INSL6: variants seen among roughly 807,000 people sequenced by gnomAD.
INSL6 encodes insulin like 6.
Under a neutral mutation model 9.4 loss-of-function variants are expected in INSL6, and 16 were observed. The observed-to-expected ratio is 1.70, with a 90% CI of 1.15 to 2.59. The LOEUF (loss-of-function observed/expected upper bound fraction) is 2.59. Among genes scored for constraint, INSL6 ranks in the 30% most tolerant of loss-of-function variants. The pLI, the probability that INSL6 is intolerant of heterozygous loss-of-function variation, is 0.00. For missense variants in INSL6, 391 were observed against 257.3 expected (o/e 1.52, Z -3.56); for synonymous variants, 154 against 96.9 (o/e 1.59, Z -3.46).
At chr9:5,163,098 C>A (rs1299532976), downstream of INSL6, among the ~76,000 whole-genome samples, 1 of 152,180 alleles carries the variant, frequency 6.6e-6, no homozygotes, top group East Asian at 1.9e-4. Context: ...TGATCTTTAA[C>A]CTACTTCAGA....
At chr9:5,007,587 G>A in the INSL6 span, among the ~76,000 whole-genome samples, 1 of 150,550 alleles carries the variant, frequency 6.6e-6, no homozygotes, top group Non-Finnish European at 1.5e-5. Flanking sequence ...TGCAAAATAT[G>A]TCCTATTTTG....
the INSL6 span, among the ~76,000 whole-genome samples, chr9:5,052,505 T>C: frequency 1.3e-5 from 2 of 152,136 alleles, no homozygotes; most frequent in African/African-American, 2.4e-5. Flanking sequence ...AATTTACAAA[T>C]CATAAATCTC....
intron 2 of INSL6, among the ~76,000 whole-genome samples, chr9:5,134,847 T>G (rs950579442): frequency 1.3e-5 from 2 of 152,088 alleles, no homozygotes; most frequent in Non-Finnish European, 1.5e-5. Flanking sequence ...ATATTAACCT[T>G]AAATGTAAAT....
At chr9:5,153,144 T>G (rs927762319) in intron 2 of INSL6, among the ~76,000 whole-genome samples, 53 of 151,870 alleles carry the variant, frequency 3.5e-4, no homozygotes, top group Admixed American at 1.8e-3. Flanking sequence ...AGCTGCAGTT[T>G]TTTTTTTTTT....
At chr9:5,132,832 A>C (rs1824317052) in intron 3 of INSL6, 1 of 152,216 alleles carries the variant, frequency 6.6e-6, no homozygotes, top group Non-Finnish European at 1.5e-5. Flanking sequence ...ATGGTGTATC[A>C]ATTTAAAATT....
At chr9:5,049,237 C>G in the INSL6 span, among the ~76,000 whole-genome samples, 1 of 152,202 alleles carries the variant, frequency 6.6e-6, no homozygotes, top group East Asian at 1.9e-4. Flanking sequence ...TACTACTCTG[C>G]CAATGGAAGA....
At chr9:5,039,175 A>G in the INSL6 span, among the ~76,000 whole-genome samples, 1 of 152,096 alleles carries the variant, frequency 6.6e-6, no homozygotes, top group Non-Finnish European at 1.5e-5. Context: ...GGCAAGAAAA[A>G]GAAATAAAAG....
At chr9:5,055,510 G>A in the INSL6 span, among the ~76,000 whole-genome samples, 17 of 151,932 alleles carry the variant, frequency 1.1e-4, no homozygotes, top group Non-Finnish European at 1.9e-4. Flanking sequence ...TAGTCTTAGG[G>A]TTAGATTGAT....
the INSL6 span, chr9:5,111,038 C>G: frequency 2.2e-6 from 2 of 909,514 alleles, no homozygotes; most frequent in Non-Finnish European, 3.4e-6. Context: ...CTGGCCGGGG[C>G]GCAATTCAGA....
At chr9:5,134,550 A>G (rs1586855148) in intron 2 of INSL6, among the ~76,000 whole-genome samples, 1 of 152,346 alleles carries the variant, frequency 6.6e-6, no homozygotes, top group East Asian at 1.9e-4. Context: ...ACATTCTTAA[A>G]AGAATTTTCA....
At chr9:5,035,048 G>A in the INSL6 span, among the ~76,000 whole-genome samples, 2 of 152,008 alleles carry the variant, frequency 1.3e-5, no homozygotes, top group African/African-American at 4.8e-5. Context: ...ATGATAAAGG[G>A]GATATCAACC....
At chr9:5,088,490 A>G in the INSL6 span, among the ~76,000 whole-genome samples, 5 of 152,266 alleles carry the variant, frequency 3.3e-5, no homozygotes, top group South Asian at 8.3e-4. Context: ...TACCAATTCT[A>G]TGTACTTAAT....
At chr9:5,004,140 A>G in the INSL6 span, among the ~76,000 whole-genome samples, 8 of 152,174 alleles carry the variant, frequency 5.3e-5, no homozygotes, top group African/African-American at 1.9e-4. Flanking sequence ...TTTTGTGGTG[A>G]GAACACTTAA....
At chr9:5,035,069 G>C in the INSL6 span, among the ~76,000 whole-genome samples, 13,949 of 152,188 alleles carry the variant, frequency 0.092, 1,927 homozygotes, top group African/African-American at 0.3. Flanking sequence ...CGATCCCACA[G>C]AAATACAAAC....
At chr9:5,141,018 A>G (rs1256467068) in intron 2 of INSL6, among the ~76,000 whole-genome samples, 1 of 152,068 alleles carries the variant, frequency 6.6e-6, no homozygotes, top group Admixed American at 6.6e-5. Context: ...AGCTCCATCC[A>G]TGTCCCTGCA....
At chr9:5,133,058 G>A (rs1437360175) in intron 3 of INSL6, among the ~76,000 whole-genome samples, 1 of 152,152 alleles carries the variant, frequency 6.6e-6, no homozygotes, top group Admixed American at 6.5e-5. Context: ...GATTTTTTCA[G>A]CAGAGGTGTT....
At chr9:5,140,254 A>C (rs1824470792) in intron 2 of INSL6, among the ~76,000 whole-genome samples, 1 of 152,178 alleles carries the variant, frequency 6.6e-6, no homozygotes, top group African/African-American at 2.4e-5. Flanking sequence ...AAGAACATTC[A>C]CAGCTATCAG....
chr9:5,002,165 A>G, the INSL6 span, among the ~76,000 whole-genome samples: 2 of 151,782 alleles, frequency 1.3e-5, no homozygotes, highest in Non-Finnish European at 2.9e-5. Context: ...TGTTTTATAT[A>G]TTATTAATTT....
At chr9:5,178,363 G>A (rs1482387154) in intron 1 of INSL6, among the ~76,000 whole-genome samples, 2 of 152,138 alleles carry the variant, frequency 1.3e-5, no homozygotes, top group East Asian at 1.9e-4. Flanking sequence ...CTTGCTGGTT[G>A]GCATGAGAAA....
Sources: allele counts gnomAD v4.1 joint callset (sites outside exome capture counted in the v4.1 genomes callset), GRCh38; gene constraint gnomAD v4.1.1; transcripts MANE v1.5; gene names NCBI Gene and HGNC (gene_info 2026-07-23, HGNC 2026-07-21).